MON2: variants seen among roughly 807,000 people sequenced by gnomAD.
MON2 encodes protein MON2 homolog.
A neutral mutation model predicts 208.6 loss-of-function variants in MON2; 84 were observed. The observed-to-expected ratio is 0.40, with a 90% CI of 0.34 to 0.48. The LOEUF (loss-of-function observed/expected upper bound fraction) is 0.48. Among genes scored for constraint, MON2 ranks in the 20% least tolerant of loss-of-function variants. The pLI is 0.59. For synonymous variants in MON2, 660 were observed against 694.0 expected (o/e 0.95, Z 0.77); for missense variants, 1,611 against 2,015.4 (o/e 0.80, Z 3.84).
In MON2 at chr12:62,544,659, AC is replaced by A. The variant is rs1041760931; in HGVS notation, c.2467-236del. The A allele has an allele frequency of 3.3e-6, 3 of 899,426 alleles. No individual in the cohort carries two copies. The African/African-American group carries it at 5.1e-5, about 15-fold the overall frequency. 55.7% of individuals were successfully genotyped at this position (899,426 alleles called of 1,614,324 possible). ...TGGTATTAGCTTGCTTCTTTTGTTTACCCTGATATATAATTTACTGTTATGA... is the reference window on the plus strand; with the variant it reads ...TGGTATTAGCTTGCTTCTTTTGTTTACCTGATATATAATTTACTGTTATGA... On this transcript the variant is annotated intron_variant, in intron 20 of 34. Transcript: ENST00000393630.
intron 23 of MON2, 104 bp downstream of exon 23, chr12:62,549,934 T>C (rs769157821): frequency 3.1e-5 from 20 of 649,500 alleles, no homozygotes; most frequent in Non-Finnish European, 4.2e-5. Flanking sequence ...GCAAATTGTT[T>C]ATATGGCTTT....
intron 2 of MON2, among the ~76,000 whole-genome samples, chr12:62,492,990 C>CA (rs1268984107): frequency 2.6e-5 from 4 of 151,062 alleles, no homozygotes; most frequent in Non-Finnish European, 4.4e-5. Flanking sequence ...AAAAACAAAA[C>CA]AAAAAAAACC....
chr12:62,577,769 C>T (rs979525355), intron 30 of MON2, among the ~76,000 whole-genome samples: 1 of 152,046 alleles, frequency 6.6e-6, no homozygotes, highest in Non-Finnish European at 1.5e-5. Context: ...TGTCATTATT[C>T]TAACAGTTAT....
rs753049786 is a variant in MON2 at position 62,553,074 on chromosome 12, G to A, written c.3110G>A (p.Arg1037His). The A allele has an allele frequency of 8.7e-6, 14 of 1,613,982 alleles. No individual in the cohort carries two copies. The highest frequency in any genetic ancestry group is 3.3e-5 in the Admixed American group (2 of 59,990). Residue 1037 changes from arginine to histidine, a missense_variant, in exon 24 of 35, where the codon CGT becomes CAT. Coordinates refer to ENST00000393630, the MANE Select transcript of MON2 (RefSeq NM_015026.3). ...TTGGGTGAACTATGTGTGGATCCCC[G>A]TCCTGCTGTCAGGAAGAGTGCAGGG... ...AKLGELCVDP[R>H]PAVRKSAGQT...
chr12:62,564,117 G>C (rs1391379168), intron 26 of MON2, among the ~76,000 whole-genome samples: 1 of 152,012 alleles, frequency 6.6e-6, no homozygotes, highest in Non-Finnish European at 1.5e-5. Flanking sequence ...AATCACACTT[G>C]GGTATGGGGA....
In MON2 at chr12:62,598,409, C is replaced by CCTT. The variant is rs2075568683; in HGVS notation, c.*5663_*5665dup. On this transcript the variant is annotated 3_prime_UTR_variant, in exon 35 of 35. Transcript: ENST00000393630. Reference sequence around the variant, plus strand: ...CATTGCAATATATTAACAACTGCTTCCTTCTATGATGTTTACTAGATGGAG... The same window carrying CCTT: ...CATTGCAATATATTAACAACTGCTTCCTTCTTCTATGATGTTTACTAGATGGAG... 6.6e-6 allele frequency: 1 copy of CCTT among 152,120 alleles called. No homozygotes were observed. The highest frequency in any genetic ancestry group is 6.5e-5 in the Admixed American group (1 of 15,272). The allele number at this position is 152,120 out of a possible 1,614,324, so 9.4% of individuals were successfully genotyped here.
chr12:62,534,459 C>G (rs755230024), intron 12 of MON2, among the ~76,000 whole-genome samples: 24 of 138,138 alleles, frequency 1.7e-4, no homozygotes, highest in Non-Finnish European at 2.6e-4. Context: ...GCGAAGGTTG[C>G]AGTGAGCCAA....
chr12:62,580,869 C>T (rs186899165), intron 32 of MON2, among the ~76,000 whole-genome samples: 9 of 152,246 alleles, frequency 5.9e-5, no homozygotes, highest in African/African-American at 2.2e-4. Flanking sequence ...GTTTTGTAAT[C>T]TTTAAAATGG....
intron 30 of MON2, among the ~76,000 whole-genome samples, chr12:62,573,135 A>C (rs1487605041): frequency 1.3e-5 from 2 of 152,228 alleles, no homozygotes; most frequent in African/African-American, 2.4e-5. Context: ...ACTTCTAGAA[A>C]TGTTATTGAT....
Position 62,563,046 on chromosome 12 carries a change from T to A in MON2, c.4032+1933T>A, listed in dbSNP as rs116193786. Among the ~76,000 whole-genome samples the A allele has an allele frequency of 9.7e-3, 1,479 of 152,332 alleles. 27 individuals carry two copies. The highest frequency in any genetic ancestry group is 0.034 in the African/African-American group (1,408 of 41,564). The stretch of plus-strand genomic sequence containing the variant: ...GCATCTGTCTTATTTTTTGCTAAAC[T>A]TCTTAGTCAGATGGCTGGATACCAT... On this transcript the variant is annotated intron_variant, in intron 26 of 34. Transcript: ENST00000393630.
At chr12:62,502,155 G>C (rs1221075641) in intron 7 of MON2, among the ~76,000 whole-genome samples, 2 of 152,148 alleles carry the variant, frequency 1.3e-5, no homozygotes, top group Non-Finnish European at 2.9e-5. Flanking sequence ...GGGAGGCAGA[G>C]GTTGCGGTGA....
In MON2 at chr12:62,525,104, A is replaced by G; in HGVS notation, c.1130A>G (p.Asp377Gly). ...QLLRSFCQSY[D>G]MKQHSTKVFR... ...TACAGGTCATTTTGTCAGTCCTATG[A>G]TATGAAACAGCATTCTACCAAGGTT... Residue 377 changes from aspartate (D) to glycine (G), a missense_variant, in exon 10 of 35, where the codon GAT becomes GGT. Transcript: ENST00000393630. The G allele has an allele frequency of 6.2e-7, 1 of 1,610,780 alleles. No homozygotes were observed. The highest frequency in any genetic ancestry group is 1.3e-5 in the African/African-American group (1 of 74,984).
At chr12:62,474,513 C>T (rs1317988044) in intron 1 of MON2, among the ~76,000 whole-genome samples, 1 of 152,132 alleles carries the variant, frequency 6.6e-6, no homozygotes, top group Non-Finnish European at 1.5e-5. Flanking sequence ...CAACTTCTGC[C>T]TCCCGGGTTC....
chr12:62,573,310 G>C (rs950980056), intron 30 of MON2, among the ~76,000 whole-genome samples: 25 of 151,692 alleles, frequency 1.6e-4, no homozygotes, highest in Non-Finnish European at 1.8e-4. Context: ...CATAGGTTGA[G>C]AAATTTACAT....
intron 19 of MON2, among the ~76,000 whole-genome samples, chr12:62,541,186 A>C (rs1051007150): frequency 1.1e-4 from 17 of 152,236 alleles, no homozygotes; most frequent in Middle Eastern, 3.4e-3. Flanking sequence ...GTTTGTGACC[A>C]GCCTGGCCAA....
At chr12:62,558,140 G>A (rs540015780) in intron 25 of MON2, among the ~76,000 whole-genome samples, 28 of 150,192 alleles carry the variant, frequency 1.9e-4, no homozygotes, top group Admixed American at 1.1e-3. Context: ...CACCATGCCC[G>A]GCTAATTTTG....
At chr12:62,554,377 C>T (rs890506604) in intron 24 of MON2, among the ~76,000 whole-genome samples, 2 of 152,240 alleles carry the variant, frequency 1.3e-5, no homozygotes, top group African/African-American at 2.4e-5. Flanking sequence ...TTATTTTGGC[C>T]TGGAGTGAGT....
intron 11 of MON2, among the ~76,000 whole-genome samples, chr12:62,531,231 A>G (rs1348351477): frequency 6.6e-6 from 1 of 152,060 alleles, no homozygotes; most frequent in Non-Finnish European, 1.5e-5. Flanking sequence ...TGATGAATCT[A>G]ATTTATCAAT....
chr12:62,538,062 A>C, intron 16 of MON2, 34 bp from the exon 17 acceptor site: 1 of 1,543,250 alleles, frequency 6.5e-7, no homozygotes, highest in Non-Finnish European at 8.8e-7. Context: ...ACTTTTGTAA[A>C]GTTATTTGTT....
Sources: gnomAD v4.1 joint callset for allele counts (sites outside exome capture counted in the v4.1 genomes callset) on GRCh38, gnomAD v4.1.1 for gene constraint, MANE v1.5 for transcripts, NCBI Gene and HGNC (gene_info 2026-07-23, HGNC 2026-07-21) for gene names.